Variants in DLG2 observed in about 807,000 individuals in gnomAD.
DLG2 encodes the protein disks large homolog 2.
Under a neutral mutation model 132.5 loss-of-function variants are expected in DLG2, and 45 were observed. The ratio of observed to expected loss-of-function variants is 0.34; its 90% CI spans 0.27 to 0.44. DLG2 has a LOEUF of 0.44. Ranked by LOEUF, DLG2 falls within the 20% of genes least tolerant of loss-of-function variation. The probability of loss-of-function intolerance (pLI) is 1.00; values close to 1 mark genes in which losing one functional copy is unlikely to be tolerated. For missense variants in DLG2, 1,045 were observed against 1,196.9 expected (o/e 0.87, Z 1.87); for synonymous variants, 424 against 419.6 (o/e 1.01, Z -0.13).
intron 11 of DLG2, among the ~76,000 whole-genome samples, chr11:84,008,804 G>A (rs1012720626): frequency 5.9e-5 from 9 of 151,858 alleles, no homozygotes; most frequent in African/African-American, 2.2e-4. Context: ...ATAGATCTAG[G>A]AGGAATAGGG....
chr11:84,076,678 C>T (rs7117037), intron 10 of DLG2, among the ~76,000 whole-genome samples: 29 of 152,224 alleles, frequency 1.9e-4, no homozygotes, highest in African/African-American at 5.8e-4. Context: ...ACCTTCTTCA[C>T]TGCCCCTTCC....
At chr11:84,836,993 A>T (rs1283331312) in intron 6 of DLG2, among the ~76,000 whole-genome samples, 7 of 151,716 alleles carry the variant, frequency 4.6e-5, no homozygotes, top group Non-Finnish European at 8.8e-5. Flanking sequence ...TATATCTCCT[A>T]ATGCTATCCC....
At chr11:84,080,935 T>C (rs2096892752) in intron 10 of DLG2, among the ~76,000 whole-genome samples, 1 of 149,842 alleles carries the variant, frequency 6.7e-6, no homozygotes, top group Non-Finnish European at 1.5e-5. Context: ...GAGGTTGCAG[T>C]GAGCCGAGAT....
At chr11:85,129,748 C>T (rs780998027) in intron 5 of DLG2, among the ~76,000 whole-genome samples, 1 of 152,188 alleles carries the variant, frequency 6.6e-6, no homozygotes, top group Non-Finnish European at 1.5e-5. Flanking sequence ...TATAAAGACA[C>T]ATGCACACGT....
At chr11:85,190,695 A>G (rs2080456147) in intron 4 of DLG2, among the ~76,000 whole-genome samples, 1 of 152,186 alleles carries the variant, frequency 6.6e-6, no homozygotes, top group African/African-American at 2.4e-5. Flanking sequence ...TCAACCCCAC[A>G]GAAATACAAA....
chr11:85,000,606 G>A (rs944736800), intron 6 of DLG2, among the ~76,000 whole-genome samples: 51 of 152,242 alleles, frequency 3.3e-4, no homozygotes, highest in African/African-American at 1.1e-3. Context: ...TATACTACAT[G>A]CTTAATATGT....
chr11:84,103,596 T>G (rs965573580), intron 9 of DLG2, among the ~76,000 whole-genome samples: 4 of 152,072 alleles, frequency 2.6e-5, no homozygotes, highest in Admixed American at 2.0e-4. Context: ...GGACCATTCT[T>G]TCTCTTAATT....
chr11:84,381,328 A>G (rs989477234), intron 7 of DLG2, among the ~76,000 whole-genome samples: 1 of 151,988 alleles, frequency 6.6e-6, no homozygotes, highest in Non-Finnish European at 1.5e-5. Context: ...ACACTTAAAC[A>G]TTTCTGTAGA....
intron 3 of DLG2, among the ~76,000 whole-genome samples, chr11:85,494,350 A>T (rs1464401807): frequency 3.3e-5 from 5 of 152,166 alleles, no homozygotes; most frequent in Admixed American, 6.6e-5. Flanking sequence ...AATTGTTCTT[A>T]AAAAAATTAC....
chr11:83,850,221 C>T (rs181233592), intron 16 of DLG2, among the ~76,000 whole-genome samples: 16 of 149,548 alleles, frequency 1.1e-4, no homozygotes, highest in Non-Finnish European at 2.1e-4. Flanking sequence ...TGGCGTGATC[C>T]CGGCTCACTG....
At chr11:85,542,869 T>C (rs183388854) in intron 3 of DLG2, among the ~76,000 whole-genome samples, 2 of 152,326 alleles carry the variant, frequency 1.3e-5, no homozygotes, top group East Asian at 1.9e-4. Flanking sequence ...TAAATATAAG[T>C]TGTATGTAGT....
intron 6 of DLG2, chr11:85,021,614 T>A: frequency 7.4e-7 from 1 of 1,347,766 alleles, no homozygotes; most frequent in Non-Finnish European, 1.1e-6. Flanking sequence ...CGGGAGTTCA[T>A]GGAGCGAGGA....
chr11:85,350,256 G>A (rs1216655044), intron 3 of DLG2, among the ~76,000 whole-genome samples: 3 of 149,938 alleles, frequency 2.0e-5, no homozygotes, highest in Admixed American at 1.3e-4. Context: ...TTTTGATGCA[G>A]TTGTTTTTTT....
intron 3 of DLG2, among the ~76,000 whole-genome samples, chr11:85,451,259 AAAT>A (rs1165594141): frequency 6.6e-6 from 1 of 152,152 alleles, no homozygotes; most frequent in Non-Finnish European, 1.5e-5. Flanking sequence ...CAAATTCCAT[AAAT>A]ATTACCTAAA....
rs555273934 is a variant in DLG2 at position 84,251,752 on chromosome 11, T to A, written c.520-461A>T. Among the ~76,000 whole-genome samples, 9 of 150,070 alleles carry A rather than the reference T, an allele frequency of 6.0e-5. No homozygotes were observed. In the East Asian group the frequency reaches 1.6e-3, roughly 27 times the overall value. ...CGCCTCCTGGTTCAGGCAATTCTCC[T>A]GCCTCAGCCTCCCAAGTAGCTACGA... On this transcript the variant is annotated intron_variant, in intron 7 of 27. Transcript: ENST00000376104.
intron 21 of DLG2, among the ~76,000 whole-genome samples, chr11:83,497,736 T>A (rs2094225703): frequency 6.6e-6 from 1 of 152,122 alleles, no homozygotes; most frequent in Non-Finnish European, 1.5e-5. Context: ...CTTGTATGCA[T>A]TTTTTCATAG....
At chr11:84,873,208 G>A (rs1297249110) in intron 6 of DLG2, among the ~76,000 whole-genome samples, 1 of 152,136 alleles carries the variant, frequency 6.6e-6, no homozygotes, top group East Asian at 1.9e-4. Context: ...AGGGAGGTAG[G>A]AGAGAGTCAG....
chr11:84,485,933 C>T (rs79500523), intron 7 of DLG2, among the ~76,000 whole-genome samples: 2,455 of 152,218 alleles, frequency 0.016, 77 homozygotes, highest in African/African-American at 0.056. Context: ...TAGACTAACA[C>T]ACCACATTTT....
chr11:85,207,694 T>C (rs1191295163), intron 4 of DLG2, among the ~76,000 whole-genome samples: 1 of 152,076 alleles, frequency 6.6e-6, no homozygotes, highest in Non-Finnish European at 1.5e-5. Flanking sequence ...AGCTTATATA[T>C]CCAAAAATTC....
Sources: gnomAD v4.1 joint callset for allele counts (sites outside exome capture counted in the v4.1 genomes callset) on GRCh38, gnomAD v4.1.1 for gene constraint, MANE v1.5 for transcripts, NCBI Gene and HGNC (gene_info 2026-07-23, HGNC 2026-07-21) for gene names.